The following CYLD variants were observed in gnomAD, a reference collection of about 807,000 sequenced individuals.
CYLD encodes ubiquitin carboxyl-terminal hydrolase CYLD.
Under a neutral mutation model 104.5 loss-of-function variants are expected in CYLD, and 26 were observed. The observed-to-expected ratio is 0.25, with a 90% confidence interval of 0.18 to 0.35. The LOEUF (loss-of-function observed/expected upper bound fraction) is 0.35, where lower values mean the gene tolerates loss of function less well. CYLD is among the 10% of genes least tolerant of loss of function. CYLD has a pLI of 1.00. For synonymous variants in CYLD, 385 were observed against 399.9 expected, an observed-to-expected ratio of 0.96 and a Z score of 0.45; for missense variants, 703 against 1,136.1, an observed-to-expected ratio of 0.62 and a Z score of 5.48.
chr16:50,785,512 A>T (rs1157530208), intron 12 of CYLD: 2 of 152,176 alleles, frequency 1.3e-5, no homozygotes, highest in African/African-American at 2.4e-5. Context: ...ATTTTGTCTT[A>T]TGCAAATTTT....
chr16:50,742,304 G>C (rs1447661574), intron 1 of CYLD, 180 bp downstream of exon 1: 1 of 151,072 alleles, frequency 6.6e-6, no homozygotes, highest in African/African-American at 2.4e-5. Context: ...CGGAGCCGCC[G>C]CGGCGACCAT....
chr16:50,774,370 A>G (rs544746412), intron 5 of CYLD, among the ~76,000 whole-genome samples: 8 of 152,192 alleles, frequency 5.3e-5, no homozygotes, highest in Non-Finnish European at 1.0e-4. Context: ...ACCTGAAACT[A>G]TGGATAGTAC....
In CYLD at chr16:50,794,544, A is replaced by C; in HGVS notation, c.2686+116A>C. On this transcript the variant is annotated intron_variant, in intron 18 of 18. Transcript: ENST00000427738. This position sits in a 1 kb window ranked among gnomAD's most constrained non-coding sequence, Gnocchi z 4.1. ...TTTCTGAGAAAATCCTTTCAGGATT[A>C]TTCTGGTGACAACAGTCTTATATCT... 2 of 1,001,732 alleles carry C rather than the reference A, an allele frequency of 2.0e-6. No individual in the cohort carries two copies. Among genetic ancestry groups the C allele is most frequent in the Non-Finnish European group, 3.2e-6 (2 of 634,490 alleles). 62.1% of individuals were successfully genotyped at this position (1,001,732 alleles called of 1,614,324 possible).
rs1597094539 is a variant in CYLD, at chr16:50,794,562, T to G, written c.2686+134T>G. On this transcript the variant is annotated intron_variant, in intron 18 of 18. Coordinates refer to ENST00000427738, the MANE Select transcript of CYLD (RefSeq NM_001378743.1). The surrounding 1 kb of genome is among the most constrained non-coding windows in gnomAD (Gnocchi z 4.1). ...CAGGATTATTCTGGTGACAACAGTC[T>G]TATATCTTGGATTGCATTAACAACC... 2.3e-6 allele frequency: 2 copies of G among 865,770 alleles called. No individual in the cohort carries two copies. The highest frequency in any genetic ancestry group is 3.9e-6 in the Non-Finnish European group (2 of 517,844). The allele number at this position is 865,770 out of a possible 1,614,324, so 53.6% of individuals were successfully genotyped here.
intron 5 of CYLD, among the ~76,000 whole-genome samples, chr16:50,766,888 T>A (rs1329319866): frequency 1.3e-5 from 2 of 152,200 alleles, no homozygotes; most frequent in Admixed American, 1.3e-4. Context: ...TGAGATGACA[T>A]CAACTCCTGG....
intron 5 of CYLD, among the ~76,000 whole-genome samples, chr16:50,765,817 A>T (rs557418884): frequency 3.5e-4 from 52 of 147,682 alleles, no homozygotes; most frequent in African/African-American, 1.3e-3. Context: ...GCCAAAGCCT[A>T]ATCCAGAGCA....
Position 50,791,648 on chromosome 16 carries a change from G to A in CYLD, c.2199G>A (p.Leu733=), listed in dbSNP as rs1971441287. 1.2e-6 allele frequency: 2 copies of A among 1,613,916 alleles called. No homozygotes were observed. Among genetic ancestry groups the A allele is most frequent in the Non-Finnish European group, 8.5e-7 (1 of 1,179,892 alleles). ...TTGGCGTTCCCACAATTCAGCAGTT[G>A]TTAGAATGGTCTTTTATCAACAGTA... The part of the protein sequence containing the change: ...EKVGVPTIQQ[L]LEWSFINSNL... The change falls in exon 15 of 19, where the codon TTG becomes TTA. Residue 733 remains leucine, a synonymous_variant. Coordinates refer to ENST00000427738, the MANE Select transcript of CYLD (RefSeq NM_001378743.1).
chr16:50,745,936 T>C (rs1256254297), intron 2 of CYLD, among the ~76,000 whole-genome samples: 1 of 152,186 alleles, frequency 6.6e-6, no homozygotes, highest in Non-Finnish European at 1.5e-5. Flanking sequence ...GTTGGTGTTA[T>C]ATTCACTTCT....
chr16:50,780,294 T>C (rs1484973310), intron 9 of CYLD, among the ~76,000 whole-genome samples: 1 of 152,180 alleles, frequency 6.6e-6, no homozygotes, highest in Non-Finnish European at 1.5e-5. Flanking sequence ...TTAGGCTCCT[T>C]ATATTAAACA....
intron 1 of CYLD, chr16:50,742,335 G>T (rs1965747018): frequency 6.6e-6 from 1 of 151,850 alleles, no homozygotes; most frequent in East Asian, 1.9e-4. Context: ...GCGCCGGCCC[G>T]TTAGTTGCCC....
chr16:50,757,197 G>A (rs1967350549), intron 5 of CYLD, among the ~76,000 whole-genome samples: 1 of 151,294 alleles, frequency 6.6e-6, no homozygotes, highest in African/African-American at 2.4e-5. Context: ...CTTTTAGCGT[G>A]CACTGTTTGC....
intron 6 of CYLD, 45 bp downstream of exon 6, chr16:50,775,219 GA>G (rs1969549514): frequency 6.4e-7 from 1 of 1,554,812 alleles, no homozygotes; most frequent in Non-Finnish European, 8.8e-7. Flanking sequence ...ATGTATTGTT[GA>G]ATTTTTCAAA....
At chr16:50,784,545 AT>A (rs1970613064) in intron 12 of CYLD, 94 bp downstream of exon 12, 1 of 1,307,988 alleles carries the variant, frequency 7.6e-7, no homozygotes, top group Admixed American at 1.7e-5. Flanking sequence ...TCTTCATGTA[AT>A]AAGAGATGGG....
chr16:50,749,585 C>A lies in CYLD; in HGVS notation c.-114C>A. 1 of 1,052,814 alleles carries A rather than the reference C, an allele frequency of 9.5e-7. No homozygotes were observed. Among genetic ancestry groups the A allele is most frequent in the Non-Finnish European group, 1.4e-6 (1 of 714,176 alleles). The allele number at this position is 1,052,814 out of a possible 1,614,324, so 65.2% of individuals were successfully genotyped here. A position where few individuals can be genotyped will look rare whatever the true frequency, so the allele number is the denominator to read the frequency against. The stretch of plus-strand genomic sequence containing the variant: ...TCCTTTCTTTTTACAGCATGGACAC[C>A]ACGTTGCTGAAAACATGCTTTGGGA... On this transcript the variant is annotated 5_prime_UTR_variant, in exon 3 of 19. Coordinates refer to ENST00000427738, the MANE Select transcript of CYLD (RefSeq NM_001378743.1).
At chr16:50,767,878 A>C (rs1968693892) in intron 5 of CYLD, among the ~76,000 whole-genome samples, 1 of 152,242 alleles carries the variant, frequency 6.6e-6, no homozygotes, top group Admixed American at 6.5e-5. Context: ...AAAGCAAAGA[A>C]AAAAACCACC....
chr16:50,751,551 C>A (rs899723683), intron 3 of CYLD, 53 bp from the exon 4 acceptor site: 2 of 1,558,890 alleles, frequency 1.3e-6, no homozygotes, highest in African/African-American at 1.4e-5. Flanking sequence ...AACCCCTTTT[C>A]CTATGGATCG....
chr16:50,779,321 A>G (rs977866616), intron 8 of CYLD, among the ~76,000 whole-genome samples: 1 of 151,778 alleles, frequency 6.6e-6, no homozygotes, highest in Non-Finnish European at 1.5e-5. Context: ...TTTTTGATCC[A>G]TTAGATATAT....
chr16:50,765,112 C>T (rs542873446), intron 5 of CYLD, among the ~76,000 whole-genome samples: 99 of 152,094 alleles, frequency 6.5e-4, no homozygotes, highest in Admixed American at 2.8e-3. Context: ...AATTTTATAG[C>T]GCTTTTCTTT....
chr16:50,763,589 T>A (rs1178831680), intron 5 of CYLD, among the ~76,000 whole-genome samples: 1 of 152,230 alleles, frequency 6.6e-6, no homozygotes, highest in African/African-American at 2.4e-5. Flanking sequence ...TCATTTTCAA[T>A]TGACTTTCGT....
Sources: allele counts gnomAD v4.1 joint callset (sites outside exome capture counted in the v4.1 genomes callset), GRCh38; gene constraint gnomAD v4.1.1; non-coding constraint Gnocchi (gnomAD v3.1); transcripts MANE v1.5; gene names NCBI Gene and HGNC (gene_info 2026-07-23, HGNC 2026-07-21).